The following ARNT2 variants were observed in gnomAD, a reference collection of about 807,000 sequenced individuals.
ARNT2 encodes aryl hydrocarbon receptor nuclear translocator 2.
Under a neutral mutation model 91.7 loss-of-function variants are expected in ARNT2, and 36 were observed. That is an observed-to-expected ratio of 0.39 (90% CI 0.30 to 0.52). The LOEUF is 0.52. Among genes scored for constraint, ARNT2 ranks in the 20% least tolerant of loss-of-function variants. The pLI is 0.72. For synonymous variants in ARNT2, 365 were observed against 347.1 expected (o/e 1.05, Z -0.57); for missense variants, 775 against 939.3 (o/e 0.83, Z 2.29).
At chr15:80,502,343 G>A (rs948665060) in intron 5 of ARNT2, among the ~76,000 whole-genome samples, 16 of 152,220 alleles carry the variant, frequency 1.1e-4, no homozygotes, top group Non-Finnish European at 2.9e-5. Context: ...AGGAGGACAC[G>A]TCCTGAGAGG....
chr15:80,441,449 C>G (rs1234885957), intron 1 of ARNT2: 1 of 964,970 alleles, frequency 1.0e-6, no homozygotes, highest in African/African-American at 1.8e-5. Context: ...TTGAGAAGAG[C>G]GTTTTTCTTT....
At chr15:80,418,670 T>A (rs1895819935) in intron 1 of ARNT2, among the ~76,000 whole-genome samples, 2 of 152,202 alleles carry the variant, frequency 1.3e-5, no homozygotes, top group Admixed American at 1.3e-4. Context: ...GGGGCTAGGC[T>A]GCTGTGCTGT....
At chr15:80,592,176 G>A (rs1893291772) in intron 18 of ARNT2, among the ~76,000 whole-genome samples, 1 of 152,128 alleles carries the variant, frequency 6.6e-6, no homozygotes, top group South Asian at 2.1e-4. Context: ...TTAAGCTCAG[G>A]GAGAGTCCCC....
chr15:80,535,734 T>C (rs923285033), intron 8 of ARNT2, among the ~76,000 whole-genome samples: 14 of 75,384 alleles, frequency 1.9e-4, no homozygotes, highest in African/African-American at 6.5e-4. Context: ...ACAGGTTTTT[T>C]TTTTTTTTGT....
chr15:80,522,760 C>CACATATATATATATATATAT (rs1555411701), intron 8 of ARNT2, among the ~76,000 whole-genome samples: 2 of 144,480 alleles, frequency 1.4e-5, no homozygotes, highest in African/African-American at 5.2e-5. Context: ...TGTACATACA[C>CACATATATATATATATATAT]ATATATATAT....
rs1037106600 is a variant in ARNT2 at position 80,419,342 on chromosome 15, G to C, written c.31+14796G>C. ...ACTAAGCCAGTACTATCCAATGCCA[G>C]CTAACTCACCTGGTTCAGGATGGCT... On this transcript the variant is annotated intron_variant, in intron 1 of 18. Transcript: ENST00000303329. 1.3e-4 allele frequency among the ~76,000 whole-genome samples: 20 copies of C among 152,356 alleles called. 1 individual carries two copies. The highest frequency in any genetic ancestry group is 7.2e-4 in the Admixed American group (11 of 15,308).
chr15:80,564,501 G>C (rs1283726155), intron 12 of ARNT2, among the ~76,000 whole-genome samples: 1 of 151,264 alleles, frequency 6.6e-6, no homozygotes, highest in African/African-American at 2.4e-5. Context: ...GCCCATGAGA[G>C]AACCCTCAGA....
intron 6 of ARNT2, among the ~76,000 whole-genome samples, chr15:80,509,134 G>T (rs1897310327): frequency 6.6e-6 from 1 of 152,144 alleles, no homozygotes; most frequent in Admixed American, 6.5e-5. Flanking sequence ...AGGTGCCCGG[G>T]AGTCAATGTT....
At position 80,508,637 on chromosome 15, in the gene ARNT2, C is replaced by G. The variant is rs146766489; in HGVS notation, c.725+379C>G. On this transcript the variant is annotated intron_variant, in intron 6 of 18. Coordinates refer to ENST00000303329, the MANE Select transcript of ARNT2 (RefSeq NM_014862.4). ...TGATTTCACACTTATTCATATATTTCCTGTCACAATTCACACATTTACTTG... is the reference window on the plus strand; with the variant it reads ...TGATTTCACACTTATTCATATATTTGCTGTCACAATTCACACATTTACTTG... 1.1e-3 allele frequency among the ~76,000 whole-genome samples: 166 copies of G among 152,276 alleles called. 1 individual carries two copies. The highest frequency in any genetic ancestry group is 8.5e-4 in the Non-Finnish European group (58 of 68,034).
At chr15:80,427,543 G>A (rs1895950502) in intron 1 of ARNT2, among the ~76,000 whole-genome samples, 1 of 151,990 alleles carries the variant, frequency 6.6e-6, no homozygotes, top group Non-Finnish European at 1.5e-5. Context: ...AATGGTTTGG[G>A]GAGAAAAAAA....
At chr15:80,464,325 T>TG (rs200756364) in intron 3 of ARNT2, among the ~76,000 whole-genome samples, 1 of 139,630 alleles carries the variant, frequency 7.2e-6, no homozygotes, top group East Asian at 2.1e-4. Flanking sequence ...GGGCTGGGGG[T>TG]GGGGGGTTGC....
chr15:80,503,470 T>C (rs1328183845), intron 5 of ARNT2, among the ~76,000 whole-genome samples: 1 of 152,228 alleles, frequency 6.6e-6, no homozygotes, highest in Non-Finnish European at 1.5e-5. Context: ...CTCAAGGTCA[T>C]GACAACAGAT....
At chr15:80,414,770 T>C (rs1276618666) in intron 1 of ARNT2, among the ~76,000 whole-genome samples, 8 of 148,692 alleles carry the variant, frequency 5.4e-5, no homozygotes, top group African/African-American at 2.0e-4. Context: ...TCTCTCTCTT[T>C]TTTTTTTTTT....
intron 5 of ARNT2, among the ~76,000 whole-genome samples, chr15:80,491,655 G>C (rs146603805): frequency 1.5e-3 from 222 of 152,280 alleles, no homozygotes; most frequent in South Asian, 0.013. Context: ...TTTTTATATA[G>C]AAAGACTGTT....
In ARNT2 at chr15:80,593,947, T is replaced by A; in HGVS notation, c.*249T>A. 1 of 495,136 alleles carries A rather than the reference T, an allele frequency of 2.0e-6. No individual in the cohort carries two copies. Among genetic ancestry groups the A allele is most frequent in the Non-Finnish European group, 3.6e-6 (1 of 277,220 alleles). 30.7% of individuals were successfully genotyped at this position (495,136 alleles called of 1,614,324 possible). A position where few individuals can be genotyped will look rare whatever the true frequency, so the allele number is the denominator to read the frequency against. ...TTGTATTTATTGTATTTTATCTGTG[T>A]GTGCTCAGGAGGTGAGCCTAGTGGG... On this transcript the variant is annotated 3_prime_UTR_variant, in exon 19 of 19. Transcript: ENST00000303329.
At chr15:80,426,194 A>T (rs1895930163) in intron 1 of ARNT2, among the ~76,000 whole-genome samples, 2 of 152,094 alleles carry the variant, frequency 1.3e-5, no homozygotes, top group Admixed American at 6.5e-5. Flanking sequence ...TGGACACTTA[A>T]AAAAGAGGAG....
At chr15:80,480,990 T>C (rs1374174447) in intron 5 of ARNT2, among the ~76,000 whole-genome samples, 1 of 152,226 alleles carries the variant, frequency 6.6e-6, no homozygotes, top group Non-Finnish European at 1.5e-5. Context: ...TCCCCAGCTG[T>C]TGTTGAATGA....
intron 1 of ARNT2, among the ~76,000 whole-genome samples, chr15:80,412,162 C>G (rs1895688631): frequency 6.6e-6 from 1 of 152,142 alleles, no homozygotes; most frequent in East Asian, 1.9e-4. Flanking sequence ...GCTGCCAAGT[C>G]TATAACAATT....
intron 5 of ARNT2, among the ~76,000 whole-genome samples, chr15:80,495,934 C>T (rs993508818): frequency 6.6e-6 from 1 of 152,256 alleles, no homozygotes; most frequent in Non-Finnish European, 1.5e-5. Context: ...CTCTCTCCAA[C>T]ATGAAGCACT....
Sources: gnomAD v4.1 joint callset for allele counts (sites outside exome capture counted in the v4.1 genomes callset) on GRCh38, gnomAD v4.1.1 for gene constraint, MANE v1.5 for transcripts, NCBI Gene and HGNC (gene_info 2026-07-23, HGNC 2026-07-21) for gene names.